HACE1: variants seen among roughly 807,000 people sequenced by gnomAD.
The protein encoded by HACE1 is HECT domain and ankyrin repeat containing E3 ubiquitin protein ligase 1, also known as E3 ubiquitin-protein ligase HACE1.
In HACE1, 73 loss-of-function variants were observed where a neutral mutation model predicts 118.4. The observed-to-expected ratio is 0.62, with a 90% confidence interval of 0.51 to 0.75. HACE1 has a LOEUF of 0.75. HACE1 is among the 30% of genes least tolerant of loss of function. HACE1 has a pLI of 0.00. For missense variants in HACE1, 749 were observed against 1,102.2 expected (o/e 0.68, Z 4.54); for synonymous variants, 368 against 374.8 (o/e 0.98, Z 0.21).
intron 10 of HACE1, among the ~76,000 whole-genome samples, chr6:104,792,568 A>G (rs1374399584): frequency 6.6e-6 from 1 of 152,198 alleles, no homozygotes; most frequent in African/African-American, 2.4e-5. Flanking sequence ...CAAAGCAAAG[A>G]GTTGCATGAA....
At chr6:104,829,331 A>T (rs1773632905) in intron 6 of HACE1, among the ~76,000 whole-genome samples, 1 of 152,140 alleles carries the variant, frequency 6.6e-6, no homozygotes, top group Non-Finnish European at 1.5e-5. Flanking sequence ...AGTAAATCAC[A>T]TGCAACTCAA....
chr6:104,758,576 T>A (rs1318403789), intron 19 of HACE1, among the ~76,000 whole-genome samples: 1 of 152,110 alleles, frequency 6.6e-6, no homozygotes, highest in Non-Finnish European at 1.5e-5. Flanking sequence ...TAACAACCGG[T>A]ACCAGCCACT....
chr6:104,842,428 A>T (rs962265501), intron 5 of HACE1: 2 of 151,342 alleles, frequency 1.3e-5, no homozygotes, highest in Non-Finnish European at 2.9e-5. Flanking sequence ...ACGTGGTGAA[A>T]CCCCGTCTCT....
At position 104,791,498 on chromosome 6, in the gene HACE1, T is replaced by G; in HGVS notation, c.1074+6A>C. 6.2e-7 allele frequency: 1 copy of G among 1,608,886 alleles called. No individual in the cohort carries two copies. Among genetic ancestry groups the G allele is most frequent in the Non-Finnish European group, 8.5e-7 (1 of 1,175,378 alleles). ...TCTTCCTAACAATGCCATATACTTT[T>G]CTCACCTTGAACACCTGGCTTCTTG... On this transcript the variant is annotated splice_donor_region_variant and intron_variant, in intron 11 of 23. Transcript: ENST00000262903.
rs139466283 is a variant in HACE1, at chr6:104,735,883, G to A, written c.2514-5467C>T. On this transcript the variant is annotated intron_variant, in intron 22 of 23. Transcript: ENST00000262903. ...TTTAGCAATAAAGAATCAATTAAAG[G>A]AAGTCCCTAAAAATAAAACTAGATA... Among the ~76,000 whole-genome samples the A allele has an allele frequency of 3.0e-3, 463 of 151,894 alleles. 4 individuals carry two copies. The highest frequency in any genetic ancestry group is 0.021 in the Middle Eastern group (6 of 290).
chr6:104,775,573 T>G (rs967959999), intron 17 of HACE1, among the ~76,000 whole-genome samples: 1 of 152,062 alleles, frequency 6.6e-6, no homozygotes, highest in Non-Finnish European at 1.5e-5. Flanking sequence ...TAATGCTAGA[T>G]CTAGCTTCAA....
intron 20 of HACE1, among the ~76,000 whole-genome samples, chr6:104,747,685 A>G (rs771028140): frequency 6.6e-6 from 1 of 152,156 alleles, no homozygotes; most frequent in African/African-American, 2.4e-5. Flanking sequence ...AACAAGTTCC[A>G]TATCTTCTTT....
At chr6:104,736,726 A>T (rs1775879350) in intron 22 of HACE1, among the ~76,000 whole-genome samples, 1 of 152,214 alleles carries the variant, frequency 6.6e-6, no homozygotes, top group African/African-American at 2.4e-5. Flanking sequence ...TCATAAAAAT[A>T]CTGCTTACTT....
chr6:104,775,268 C>A (rs1016675850), intron 17 of HACE1, among the ~76,000 whole-genome samples: 1 of 152,010 alleles, frequency 6.6e-6, no homozygotes, highest in Non-Finnish European at 1.5e-5. Context: ...CTCAGCCATA[C>A]CAGCTACTCG....
intron 22 of HACE1, chr6:104,731,470 T>C (rs1325794634): frequency 6.6e-6 from 1 of 152,018 alleles, no homozygotes; most frequent in Non-Finnish European, 1.5e-5. Flanking sequence ...TGAAAACTTA[T>C]TACAAAGCTG....
chr6:104,749,135 A>G (rs1372006476), intron 20 of HACE1, among the ~76,000 whole-genome samples: 8 of 152,174 alleles, frequency 5.3e-5, no homozygotes, highest in African/African-American at 1.9e-4. Flanking sequence ...ACATACATAT[A>G]GGTCCAGCAA....
At chr6:104,803,436 C>T (rs530260399) in intron 7 of HACE1, among the ~76,000 whole-genome samples, 1 of 152,280 alleles carries the variant, frequency 6.6e-6, no homozygotes, top group Non-Finnish European at 1.5e-5. Flanking sequence ...GACCAATATC[C>T]TTGATGAACA....
At chr6:104,808,391 C>A (rs1771253021) in intron 7 of HACE1, among the ~76,000 whole-genome samples, 1 of 152,130 alleles carries the variant, frequency 6.6e-6, no homozygotes, top group African/African-American at 2.4e-5. Context: ...TTAATCTTCA[C>A]AATAATCTCA....
intron 6 of HACE1, among the ~76,000 whole-genome samples, chr6:104,823,491 T>C (rs1007232896): frequency 7.5e-6 from 1 of 134,194 alleles, no homozygotes; most frequent in African/African-American, 2.5e-5. Context: ...TTCATAAATC[T>C]TTCTACTTTT....
intron 5 of HACE1, among the ~76,000 whole-genome samples, chr6:104,841,913 C>A (rs1023713569): frequency 6.6e-6 from 1 of 152,190 alleles, no homozygotes; most frequent in Admixed American, 6.5e-5. Flanking sequence ...TCAACAATCT[C>A]TTCAGCAATA....
At chr6:104,795,537 A>G (rs1319297417) in intron 10 of HACE1, 42 bp downstream of exon 10, 1 of 1,093,534 alleles carries the variant, frequency 9.1e-7, no homozygotes, top group South Asian at 1.2e-5. Flanking sequence ...AAGCCAACAG[A>G]CACTGCTACC....
chr6:104,768,572 T>C (rs1272839586), intron 19 of HACE1, among the ~76,000 whole-genome samples: 1 of 152,160 alleles, frequency 6.6e-6, no homozygotes, highest in East Asian at 1.9e-4. Flanking sequence ...AACAATTTGA[T>C]ACACAATTAC....
At chr6:104,740,155 T>C (rs140137656) in intron 22 of HACE1, among the ~76,000 whole-genome samples, 22,892 of 135,448 alleles carry the variant, frequency 0.17, 2,492 homozygotes, top group African/African-American at 0.34. Flanking sequence ...ATCTCTGGGA[T>C]GCATTCAAAG....
intron 22 of HACE1, among the ~76,000 whole-genome samples, chr6:104,737,529 T>A (rs1776029714): frequency 6.6e-6 from 1 of 151,700 alleles, no homozygotes; most frequent in South Asian, 2.1e-4. Context: ...GCGCAAGGGG[T>A]CAGGGAGTTC....
Sources: allele counts gnomAD v4.1 joint callset (sites outside exome capture counted in the v4.1 genomes callset), GRCh38; gene constraint gnomAD v4.1.1; transcripts MANE v1.5; gene names NCBI Gene and HGNC (gene_info 2026-07-23, HGNC 2026-07-21).